Variants in SMAD3 observed in about 807,000 individuals in gnomAD.
The protein encoded by SMAD3 is MAD homolog 3.
A neutral mutation model predicts 51.8 loss-of-function variants in SMAD3; 12 were observed. The ratio of observed to expected loss-of-function variants is 0.23; its 90% CI spans 0.15 to 0.38. The LOEUF (loss-of-function observed/expected upper bound fraction) is 0.38. SMAD3 is among the 10% of genes least tolerant of loss of function. The probability of loss-of-function intolerance (pLI) is 1.00; values close to 1 mark genes in which losing one functional copy is unlikely to be tolerated. For synonymous variants in SMAD3, 238 were observed against 227.7 expected (o/e 1.05, Z -0.41); for missense variants, 294 against 565.6 (o/e 0.52, Z 4.87).
At chr15:67,158,062 T>C (rs760309173) in intron 1 of SMAD3, among the ~76,000 whole-genome samples, 23 of 152,108 alleles carry the variant, frequency 1.5e-4, no homozygotes, top group Non-Finnish European at 2.9e-4. Context: ...TGCTAGCAGC[T>C]GGTCTTGGGC....
At chr15:67,180,159 G>T (rs944362575) in intron 5 of SMAD3, among the ~76,000 whole-genome samples, 1 of 152,182 alleles carries the variant, frequency 6.6e-6, no homozygotes, top group Non-Finnish European at 1.5e-5. Flanking sequence ...GTGCAGAGAA[G>T]CAGTTGGAAG....
At chr15:67,088,519 G>A (rs1419205312) in intron 1 of SMAD3, among the ~76,000 whole-genome samples, 3 of 152,316 alleles carry the variant, frequency 2.0e-5, no homozygotes, top group Admixed American at 6.5e-5. Flanking sequence ...TGGGGCGGTA[G>A]CGAGGGAAAC....
intron 1 of SMAD3, among the ~76,000 whole-genome samples, chr15:67,131,843 A>G (rs1185233932): frequency 6.6e-6 from 1 of 152,096 alleles, no homozygotes; most frequent in Non-Finnish European, 1.5e-5. Flanking sequence ...TGCAGAAATC[A>G]CCCTGTCCAG....
intron 1 of SMAD3, among the ~76,000 whole-genome samples, chr15:67,093,964 A>G (rs937040665): frequency 6.6e-6 from 1 of 152,232 alleles, no homozygotes; most frequent in Non-Finnish European, 1.5e-5. Context: ...GAGAAGGCAC[A>G]TGGTTTACCC....
At chr15:67,115,746 T>C (rs1341047715) in intron 1 of SMAD3, among the ~76,000 whole-genome samples, 4 of 152,222 alleles carry the variant, frequency 2.6e-5, no homozygotes, top group East Asian at 1.9e-4. Flanking sequence ...TGGCAACTTA[T>C]GCTGTGCTGG....
intron 1 of SMAD3, among the ~76,000 whole-genome samples, chr15:67,099,248 C>T (rs1172086453): frequency 6.6e-6 from 1 of 152,206 alleles, no homozygotes; most frequent in Non-Finnish European, 1.5e-5. Context: ...GACATCAATT[C>T]CTCATGTCTT....
intron 1 of SMAD3, among the ~76,000 whole-genome samples, chr15:67,124,656 A>G (rs1403295802): frequency 1.3e-5 from 2 of 152,244 alleles, no homozygotes; most frequent in Non-Finnish European, 2.9e-5. Flanking sequence ...GTGTTTGAAT[A>G]GAAATTAAAC....
intron 1 of SMAD3, among the ~76,000 whole-genome samples, chr15:67,134,789 G>C (rs1035246287): frequency 2.0e-5 from 3 of 152,202 alleles, no homozygotes; most frequent in African/African-American, 4.8e-5. Flanking sequence ...ACCTATTATC[G>C]TGCAACTCTG....
intron 5 of SMAD3, among the ~76,000 whole-genome samples, chr15:67,176,801 G>C (rs527789966): frequency 3.7e-4 from 57 of 152,334 alleles, no homozygotes; most frequent in Non-Finnish European, 1.8e-4. Context: ...ATCCACAAAG[G>C]CTGGAGCTGG....
chr15:67,117,814 G>A (rs997294343), intron 1 of SMAD3, among the ~76,000 whole-genome samples: 4 of 152,194 alleles, frequency 2.6e-5, no homozygotes, highest in Non-Finnish European at 5.9e-5. Context: ...AAATTTGGCC[G>A]GGTGCAGTGG....
chr15:67,172,036 G>A (rs148589980), intron 5 of SMAD3, among the ~76,000 whole-genome samples: 1 of 152,312 alleles, frequency 6.6e-6, no homozygotes, highest in Non-Finnish European at 1.5e-5. Context: ...TGAAACCATA[G>A]CAGTCCCAGG....
chr15:67,127,825 G>A (rs1440605351), intron 1 of SMAD3, among the ~76,000 whole-genome samples: 1 of 152,346 alleles, frequency 6.6e-6, no homozygotes, highest in Middle Eastern at 3.4e-3. Flanking sequence ...CAAGGCTAGA[G>A]TGGATGGCTA....
chr15:67,136,505 T>G (rs1961666619), intron 1 of SMAD3, among the ~76,000 whole-genome samples: 1 of 152,028 alleles, frequency 6.6e-6, no homozygotes, highest in Non-Finnish European at 1.5e-5. Flanking sequence ...AATTTTTGTA[T>G]TTTTTAGTAG....
chr15:67,083,911 G>A (rs561006288), intron 1 of SMAD3, among the ~76,000 whole-genome samples: 1 of 152,142 alleles, frequency 6.6e-6, no homozygotes, highest in Non-Finnish European at 1.5e-5. Context: ...GGGTGAGGTT[G>A]AGGGTCCTTG....
At chr15:67,167,139 G>A (rs1024026663) in intron 4 of SMAD3, among the ~76,000 whole-genome samples, 1 of 152,140 alleles carries the variant, frequency 6.6e-6, no homozygotes, top group East Asian at 1.9e-4. Flanking sequence ...CACTTCACCC[G>A]GTCTGGGGAG....
intron 6 of SMAD3, among the ~76,000 whole-genome samples, chr15:67,183,942 G>A (rs1963150774): frequency 6.6e-6 from 1 of 152,108 alleles, no homozygotes; most frequent in South Asian, 2.1e-4. Context: ...GCATCAGAAG[G>A]AGCCCTGCAG....
chr15:67,150,128 G>A (rs1962087877), intron 1 of SMAD3, among the ~76,000 whole-genome samples: 1 of 152,220 alleles, frequency 6.6e-6, no homozygotes, highest in Admixed American at 6.5e-5. Flanking sequence ...AGGAATTGTT[G>A]TAAAATCACT....
chr15:67,074,503 C>T (rs1960125455), intron 1 of SMAD3, among the ~76,000 whole-genome samples: 2 of 152,212 alleles, frequency 1.3e-5, no homozygotes, highest in South Asian at 2.1e-4. Flanking sequence ...TGTTAGGCAG[C>T]GTGGATGTTG....
rs1486878235 is a variant in SMAD3, at chr15:67,126,060, A to G, written c.207-38835A>G. 3 of 690,590 alleles carry G rather than the reference A, an allele frequency of 4.3e-6. No individual in the cohort carries two copies. The African/African-American group carries it at 5.8e-5, about 13-fold the overall frequency. 42.8% of individuals were successfully genotyped at this position (690,590 alleles called of 1,614,324 possible). A position where few individuals can be genotyped will look rare whatever the true frequency, so the allele number is the denominator to read the frequency against. ...CTGAGAAGCAGAAACTGTATGCTCG[A>G]CACACACTCCCTGAGTCCTTAGGGA... On this transcript the variant is annotated intron_variant, in intron 1 of 8. Transcript: ENST00000327367.
Sources: gnomAD v4.1 joint callset for allele counts (sites outside exome capture counted in the v4.1 genomes callset) on GRCh38, gnomAD v4.1.1 for gene constraint, MANE v1.5 for transcripts, NCBI Gene and HGNC (gene_info 2026-07-23, HGNC 2026-07-21) for gene names.